GDA: variants seen among roughly 807,000 people sequenced by gnomAD.
The protein encoded by GDA is guanine deaminase.
Under a neutral mutation model 59.6 loss-of-function variants are expected in GDA, and 18 were observed. That is an observed-to-expected ratio of 0.30 (90% confidence interval 0.21 to 0.45). The LOEUF is 0.45. GDA is among the 20% of genes least tolerant of loss of function. The pLI is 1.00. For synonymous variants in GDA, 201 were observed against 201.1 expected (o/e 1.00, Z 0.00); for missense variants, 427 against 552.3 (o/e 0.77, Z 2.27).
Position 72,248,446 on chromosome 9 carries a change from G to A in GDA, c.*104G>A. ...TCAAAAAATAGTACCTTGTTCTTGG[G>A]ATGACTATCCCTTTCTGTGTCTAGT... On this transcript the variant is annotated 3_prime_UTR_variant, in exon 14 of 14. Coordinates refer to ENST00000358399, the MANE Select transcript of GDA (RefSeq NM_004293.5). 1 of 1,563,014 alleles carries A rather than the reference G, an allele frequency of 6.4e-7. No homozygotes were observed. Among genetic ancestry groups the A allele is most frequent in the Non-Finnish European group, 8.7e-7 (1 of 1,154,940 alleles).
chr9:72,137,933 C>T lies in GDA; in HGVS notation c.-100+23100C>T, dbSNP rs12004332. ...AACAAGCCTGAGAAAGGCTTCTGGC[C>T]GAGTTAGGTCAACGCCACACTCTCT... On this transcript the variant is annotated intron_variant, in intron 1 of 13. Transcript: ENST00000545168. 9.0e-3 allele frequency among the ~76,000 whole-genome samples: 1,364 copies of T among 152,072 alleles called. 26 individuals carry two copies. The highest frequency in any genetic ancestry group is 0.031 in the African/African-American group (1,268 of 41,468).
rs780898540 is a variant in GDA at position 72,248,237 on chromosome 9, G to C, written c.1295-35G>C. The C allele has an allele frequency of 2.0e-5, 28 of 1,425,196 alleles. No individual in the cohort carries two copies. The South Asian group carries it at 3.2e-4, about 16-fold the overall frequency. The allele number at this position is 1,425,196 out of a possible 1,614,324, so 88.3% of individuals were successfully genotyped here. On this transcript the variant is annotated intron_variant, in intron 13 of 13. Transcript: ENST00000358399. ...AAGGAAGATACTTATTGACACAAAA[G>C]GATTTTATACATGATTCCTTGATTT...
chr9:72,116,636 C>T (rs965054356), intron 1 of GDA, among the ~76,000 whole-genome samples: 3 of 152,062 alleles, frequency 2.0e-5, no homozygotes, highest in Non-Finnish European at 2.9e-5. Context: ...CCACCTGCCT[C>T]GGCCTCCCAA....
At position 72,251,418 on chromosome 9, in the gene GDA, A is replaced by C. The variant is rs1840672885; in HGVS notation, c.*3076A>C. ...GCAAGCTGGAAGGCACATTGTATCA[A>C]TTCTACCTTGTGCTATACGTAGGAG... On this transcript the variant is annotated 3_prime_UTR_variant, in exon 14 of 14. Transcript: ENST00000358399. 1 of 152,924 alleles carries C rather than the reference A, an allele frequency of 6.5e-6. No individual in the cohort carries two copies. The highest frequency in any genetic ancestry group is 6.5e-5 in the Admixed American group (1 of 15,354). The allele number at this position is 152,924 out of a possible 1,614,324, so 9.5% of individuals were successfully genotyped here. A position where few individuals can be genotyped will look rare whatever the true frequency, so the allele number is the denominator to read the frequency against.
intron 1 of GDA, among the ~76,000 whole-genome samples, chr9:72,187,165 A>G (rs929508295): frequency 6.6e-6 from 1 of 152,230 alleles, no homozygotes; most frequent in African/African-American, 2.4e-5. Context: ...CTAAAGAGAT[A>G]AGCACTGTCA....
upstream of GDA, chr9:72,149,432 GC>G: frequency 1.8e-6 from 2 of 1,135,080 alleles, no homozygotes; most frequent in Non-Finnish European, 2.4e-6. Context: ...GCCCGGGTAA[GC>G]GGGGGCAGGA....
intron 1 of GDA, among the ~76,000 whole-genome samples, chr9:72,142,244 A>T (rs1485518105): frequency 6.6e-6 from 1 of 152,180 alleles, no homozygotes; most frequent in Non-Finnish European, 1.5e-5. Context: ...TCTGTCTTGT[A>T]CTAGTTTTCT....
At chr9:72,218,420 C>T (rs1320450996) in intron 5 of GDA, among the ~76,000 whole-genome samples, 2 of 152,172 alleles carry the variant, frequency 1.3e-5, no homozygotes, top group Admixed American at 6.5e-5. Flanking sequence ...AGGAAGTACC[C>T]GCCTTCCTTT....
intron 1 of GDA, among the ~76,000 whole-genome samples, chr9:72,130,275 C>A (rs953498875): frequency 2.0e-5 from 3 of 152,168 alleles, no homozygotes; most frequent in African/African-American, 7.2e-5. Context: ...TTCCAAATAT[C>A]TTTCAATATC....
chr9:72,207,713 A>G (rs1834887481), intron 3 of GDA, among the ~76,000 whole-genome samples: 1 of 152,198 alleles, frequency 6.6e-6, no homozygotes, highest in South Asian at 2.1e-4. Context: ...TTTTTGTTTT[A>G]CATGAAAATT....
chr9:72,211,921 T>C (rs897092117), intron 4 of GDA, among the ~76,000 whole-genome samples: 25 of 152,160 alleles, frequency 1.6e-4, no homozygotes, highest in African/African-American at 6.0e-4. Flanking sequence ...AGTGATGTGA[T>C]GAAAGTGGTA....
chr9:72,229,624 T>G (rs537455268), intron 9 of GDA, among the ~76,000 whole-genome samples: 1 of 151,834 alleles, frequency 6.6e-6, no homozygotes, highest in African/African-American at 2.4e-5. Context: ...TGGAGAAGAG[T>G]ATTAATTCCC....
At chr9:72,227,700 A>T (rs1022403058) in intron 8 of GDA, among the ~76,000 whole-genome samples, 8 of 152,214 alleles carry the variant, frequency 5.3e-5, no homozygotes, top group African/African-American at 1.7e-4. Context: ...ATAGATCAAC[A>T]AAAAGAATCT....
chr9:72,202,683 C>T lies in GDA; in HGVS notation c.325C>T (p.Pro109Ser), dbSNP rs762914194. The change falls in exon 3 of 14, where the codon CCT (proline) becomes TCT (serine). Residue 109 changes from proline to serine, a missense_variant. Physicochemically the swap from Pro to Ser is moderately conservative, Grantham distance 74. Transcript: ENST00000358399. Reference sequence around the variant, plus strand: ...GGAGTGGCTGACCAAGTACACATTTCCTGCAGAACACAGATTCCAGAACAT... The same window carrying T: ...GGAGTGGCTGACCAAGTACACATTTTCTGCAGAACACAGATTCCAGAACAT... ...LLEWLTKYTF[P>S]AEHRFQNIDF... is the part of the protein sequence containing the mutation. 5.0e-6 allele frequency: 8 copies of T among 1,613,630 alleles called. No individual in the cohort carries two copies. The highest frequency in any genetic ancestry group is 6.8e-6 in the Non-Finnish European group (8 of 1,179,740).
At chr9:72,236,338 A>G (rs1838984019) in intron 10 of GDA, among the ~76,000 whole-genome samples, 1 of 152,122 alleles carries the variant, frequency 6.6e-6, no homozygotes, top group Admixed American at 6.5e-5. Flanking sequence ...AGAGACAGTT[A>G]TTAGTCTGTA....
intron 1 of GDA, among the ~76,000 whole-genome samples, chr9:72,185,624 C>T (rs1473191433): frequency 1.3e-5 from 2 of 152,076 alleles, no homozygotes; most frequent in African/African-American, 4.8e-5. Flanking sequence ...CTCACAGTGA[C>T]GTAAGAGTGG....
chr9:72,230,283 A>G lies in GDA; in HGVS notation c.921-831A>G, dbSNP rs542326913. Among the ~76,000 whole-genome samples the G allele has an allele frequency of 3.0e-4, 46 of 152,216 alleles. No homozygotes were observed. In the South Asian group the frequency reaches 9.5e-3, roughly 32 times the overall value. ...CAAAGTGGGAGGATCACCTGAGGTC[A>G]AGAGTTCGAGACCAGCCTGACCAAC... On this transcript the variant is annotated intron_variant, in intron 9 of 13. Transcript: ENST00000358399.
At chr9:72,197,921 G>C (rs1017047009) in intron 2 of GDA, among the ~76,000 whole-genome samples, 2 of 152,084 alleles carry the variant, frequency 1.3e-5, no homozygotes, top group Non-Finnish European at 2.9e-5. Context: ...AGTACCATGG[G>C]CAGTGCTGTG....
At chr9:72,196,660 G>A (rs563098824) in intron 2 of GDA, among the ~76,000 whole-genome samples, 3 of 152,198 alleles carry the variant, frequency 2.0e-5, no homozygotes, top group East Asian at 3.9e-4. Flanking sequence ...GTGCCATGGT[G>A]GTTTGCTGCA....
Sources: allele counts gnomAD v4.1 joint callset (sites outside exome capture counted in the v4.1 genomes callset), GRCh38; gene constraint gnomAD v4.1.1; transcripts MANE v1.5; gene names NCBI Gene and HGNC (gene_info 2026-07-23, HGNC 2026-07-21).